Variants in MRE11 observed in about 807,000 individuals in gnomAD.
MRE11 encodes double-strand break repair protein MRE11.
Under a neutral mutation model 91.7 loss-of-function variants are expected in MRE11, and 62 were observed. The observed-to-expected ratio is 0.68, with a 90% CI of 0.55 to 0.84. The LOEUF is 0.84. MRE11 is among the 40% of genes least tolerant of loss of function. The pLI is 0.00. For synonymous variants in MRE11, 273 were observed against 271.4 expected (o/e 1.01, Z -0.06); for missense variants, 796 against 852.9 (o/e 0.93, Z 0.83).
chr11:94,475,748 G>T (rs1946836428), intron 7 of MRE11: 1 of 393,862 alleles, frequency 2.5e-6, no homozygotes, highest in East Asian at 7.2e-5. Context: ...TAACAGCAAG[G>T]TTTATAAAAG....
At position 94,485,964 on chromosome 11, in the gene MRE11, C is replaced by T. The variant is rs587780139; in HGVS notation, c.274G>A (p.Glu92Lys). ...YCMGDRPVQFEILSDQSVNFG... is the reference protein window; with the variant it reads ...YCMGDRPVQFKILSDQSVNFG... ...TTGACTGACTGATCACTGAGAATTTCAAACTGGACAGGCCGATCACCCATA... is the reference window on the plus strand; with the variant it reads ...TTGACTGACTGATCACTGAGAATTTTAAACTGGACAGGCCGATCACCCATA... Residue 92 changes from glutamate to lysine, a missense_variant, in exon 4 of 20, where the codon GAA becomes AAA. Transcript: ENST00000323929. 115 of 1,613,418 alleles carry T rather than the reference C, an allele frequency of 7.1e-5. No individual in the cohort carries two copies. Among genetic ancestry groups the T allele is most frequent in the Non-Finnish European group, 9.7e-5 (114 of 1,179,952 alleles).
At chr11:94,459,142 C>G (rs926692474) in intron 13 of MRE11, among the ~76,000 whole-genome samples, 1 of 152,162 alleles carries the variant, frequency 6.6e-6, no homozygotes, top group African/African-American at 2.4e-5. Flanking sequence ...CTACAAGGTT[C>G]ACTTTAAAGC....
intron 19 of MRE11, among the ~76,000 whole-genome samples, chr11:94,423,700 A>G (rs1249464506): frequency 6.6e-6 from 1 of 152,220 alleles, no homozygotes; most frequent in Non-Finnish European, 1.5e-5. Context: ...GTTCCACCTG[A>G]GTACCTTCCT....
At chr11:94,449,219 A>G (rs1373881806) in intron 14 of MRE11, among the ~76,000 whole-genome samples, 1 of 152,200 alleles carries the variant, frequency 6.6e-6, no homozygotes, top group Non-Finnish European at 1.5e-5. Flanking sequence ...TCATGATGAG[A>G]TGATCTCAGC....
At chr11:94,497,204 G>A, upstream of MRE11, 1 of 545,454 alleles carries the variant, frequency 1.8e-6, no homozygotes, top group Non-Finnish European at 3.2e-6. Flanking sequence ...AAAGTCATTA[G>A]GATCATTTAG....
At position 94,422,718 on chromosome 11, in the gene MRE11, A is replaced by ATT. The variant is rs960911730; in HGVS notation, c.2071-2539_2071-2538dup. Reference sequence around the variant, plus strand: ...TCAAAGGAAGGTTATCAATGAAACTATTTTTTTTTTTTGAGATGGAGTTTC... The same window carrying ATT: ...TCAAAGGAAGGTTATCAATGAAACTATTTTTTTTTTTTTTGAGATGGAGTTTC... On this transcript the variant is annotated intron_variant, in intron 19 of 19. Coordinates refer to ENST00000323929, the MANE Select transcript of MRE11 (RefSeq NM_005591.4). 2.0e-5 allele frequency among the ~76,000 whole-genome samples: 3 copies of ATT among 146,786 alleles called. No homozygotes were observed. In the East Asian group the frequency reaches 6.0e-4, roughly 29 times the overall value.
chr11:94,424,818 T>TG, intron 19 of MRE11, among the ~76,000 whole-genome samples: 1 of 149,514 alleles, frequency 6.7e-6, no homozygotes, highest in African/African-American at 2.5e-5. Flanking sequence ...TGAAGAAGAA[T>TG]GGAAAAAAAA....
intron 19 of MRE11, among the ~76,000 whole-genome samples, chr11:94,421,685 C>T (rs1163127077): frequency 6.6e-6 from 1 of 152,200 alleles, no homozygotes; most frequent in African/African-American, 2.4e-5. Context: ...TTTTAAACCA[C>T]AGCTTAAATA....
At chr11:94,465,842 G>A (rs1005816150) in intron 10 of MRE11, among the ~76,000 whole-genome samples, 5 of 152,324 alleles carry the variant, frequency 3.3e-5, no homozygotes, top group African/African-American at 1.2e-4. Flanking sequence ...TAAGTATGCT[G>A]TTCAGGGCCA....
intron 10 of MRE11, among the ~76,000 whole-genome samples, chr11:94,467,505 C>G (rs1946595448): frequency 6.6e-6 from 1 of 152,066 alleles, no homozygotes; most frequent in South Asian, 2.1e-4. Context: ...GCCCAAGAAA[C>G]TGCGAGAAGG....
the MRE11 span, among the ~76,000 whole-genome samples, chr11:94,511,550 AAG>A: frequency 4.6e-5 from 7 of 152,356 alleles, no homozygotes; most frequent in African/African-American, 1.7e-4. Context: ...GGGAGTATGA[AAG>A]AGAGAGAAAT....
At chr11:94,496,649 T>C (rs1208617208), upstream of MRE11, 2 of 1,484,342 alleles carry the variant, frequency 1.3e-6, no homozygotes, top group Non-Finnish European at 1.8e-6. Context: ...GAAAGATTTA[T>C]ATCCTGGCAT....
chr11:94,433,242 C>T (rs949855868), intron 18 of MRE11, among the ~76,000 whole-genome samples: 3 of 152,224 alleles, frequency 2.0e-5, no homozygotes, highest in Non-Finnish European at 2.9e-5. Context: ...CTTGTTTACA[C>T]TTGTTCTGCA....
chr11:94,462,702 G>A (rs1166211468), intron 11 of MRE11, among the ~76,000 whole-genome samples: 1 of 152,174 alleles, frequency 6.6e-6, no homozygotes, highest in African/African-American at 2.4e-5. Flanking sequence ...TTTAGTAAAT[G>A]GTGCTGGGAA....
At chr11:94,445,613 A>T in intron 16 of MRE11, 197 bp downstream of exon 16, 1 of 543,264 alleles carries the variant, frequency 1.8e-6, no homozygotes, top group South Asian at 2.0e-5. Context: ...TGGCCTATAA[A>T]ACATGATTTT....
chr11:94,493,246 T>A (rs1947340152), intron 1 of MRE11, among the ~76,000 whole-genome samples: 1 of 152,180 alleles, frequency 6.6e-6, no homozygotes, highest in Non-Finnish European at 1.5e-5. Flanking sequence ...TGTGCAGATA[T>A]TTTTAAGTTG....
At chr11:94,421,283 T>G (rs1424184985) in intron 19 of MRE11, among the ~76,000 whole-genome samples, 1 of 152,232 alleles carries the variant, frequency 6.6e-6, no homozygotes, top group Non-Finnish European at 1.5e-5. Context: ...TAAAAGAAAT[T>G]ATTTGATGCT....
Position 94,471,555 on chromosome 11 carries a change from C to T in MRE11, c.845+19G>A, listed in dbSNP as rs1290148024. The T allele has an allele frequency of 6.2e-7, 1 of 1,610,830 alleles. No individual in the cohort carries two copies. Among genetic ancestry groups the T allele is most frequent in the African/African-American group, 1.3e-5 (1 of 74,784 alleles). ...AGCAAAGATTTCTTAAAAATTGGCT[C>T]AAAATATATAACACTCACTTCTTTA... On this transcript the variant is annotated intron_variant, in intron 8 of 19. Coordinates refer to ENST00000323929, the MANE Select transcript of MRE11 (RefSeq NM_005591.4).
chr11:94,480,583 C>G (rs766147191), intron 4 of MRE11, among the ~76,000 whole-genome samples: 14 of 152,140 alleles, frequency 9.2e-5, no homozygotes, highest in Non-Finnish European at 1.9e-4. Flanking sequence ...GGTGAGTCGA[C>G]CTGTAAAGGA....
Sources: gnomAD v4.1 joint callset for allele counts (sites outside exome capture counted in the v4.1 genomes callset) on GRCh38, gnomAD v4.1.1 for gene constraint, MANE v1.5 for transcripts, NCBI Gene and HGNC (gene_info 2026-07-23, HGNC 2026-07-21) for gene names.